Variants in RNF166 observed in about 807,000 individuals in gnomAD.
RNF166 encodes ring finger protein 166.
Under a neutral mutation model 29.4 loss-of-function variants are expected in RNF166, and 19 were observed. That is an observed-to-expected ratio of 0.65 (90% CI 0.45 to 0.95). The LOEUF (loss-of-function observed/expected upper bound fraction) is 0.95. RNF166 is among the 40% of genes least tolerant of loss of function. The pLI, the probability that RNF166 is intolerant of heterozygous loss-of-function variation, is 0.00. For synonymous variants in RNF166, 171 were observed against 134.5 expected, an observed-to-expected ratio of 1.27 and a Z score of -1.88; for missense variants, 347 against 322.1, an observed-to-expected ratio of 1.08 and a Z score of -0.59.
chr16:88,698,961 C>A lies in RNF166; in HGVS notation c.540+10G>T, dbSNP rs763226144. 6.4e-7 allele frequency: 1 copy of A among 1,566,390 alleles called. No homozygotes were observed. ...TGGCGCAGGCGTCGCTTGGGGCAGG[C>A]ACTGCTCACCACGCGGTTGGGGTCG... On this transcript the variant is annotated intron_variant, in intron 4 of 5. Transcript: ENST00000312838.
chr16:88,699,001 C>T lies in RNF166; in HGVS notation c.510G>A (p.Val170=), dbSNP rs771683988. 3.7e-6 allele frequency: 6 copies of T among 1,606,678 alleles called. No homozygotes were observed. Among genetic ancestry groups the T allele is most frequent in the Admixed American group, 1.7e-5 (1 of 59,172 alleles). Residue 170 remains valine (V), a synonymous_variant, in exon 4 of 6, where the codon GTG becomes GTA. Transcript: ENST00000312838. ...LDQQELVKHC[V]ESHRSDPNRV... Reference sequence around the variant, plus strand: ...GGTTGGGGTCGCTGCGGTGGCTTTCCACACAGTGCTTCACCAGCTCCTGCT... The same window carrying T: ...GGTTGGGGTCGCTGCGGTGGCTTTCTACACAGTGCTTCACCAGCTCCTGCT...
rs1023844973 is a variant in RNF166, at chr16:88,706,374, C to G, written c.-49G>C. ...CGCCGCCCGCTGTCCTGGCCCGGGCCGGCCCGCTAGTCACAGCCGCTACTG... is the reference window on the plus strand; with the variant it reads ...CGCCGCCCGCTGTCCTGGCCCGGGCGGGCCCGCTAGTCACAGCCGCTACTG... On this transcript the variant is annotated 5_prime_UTR_variant, in exon 1 of 6. Coordinates refer to ENST00000312838, the MANE Select transcript of RNF166 (RefSeq NM_178841.4). 2.4e-5 allele frequency: 29 copies of G among 1,217,234 alleles called. No individual in the cohort carries two copies. Among genetic ancestry groups the G allele is most frequent in the Non-Finnish European group, 2.9e-5 (28 of 976,038 alleles). 75.4% of individuals were successfully genotyped at this position (1,217,234 alleles called of 1,614,324 possible).
chr16:88,703,262 A>G (rs1201869038), intron 1 of RNF166: 23 of 981,450 alleles, frequency 2.3e-5, no homozygotes, highest in Non-Finnish European at 2.8e-5. Context: ...ATTGTTGCAT[A>G]ATTGCAAACA....
chr16:88,700,912 C>T (rs1242449257), intron 2 of RNF166: 14 of 1,158,806 alleles, frequency 1.2e-5, no homozygotes, highest in Admixed American at 4.5e-5. Flanking sequence ...CCCCCAGCGC[C>T]GTCCCCGGTA....
chr16:88,702,229 C>G (rs1334998813), intron 1 of RNF166, among the ~76,000 whole-genome samples: 1 of 152,130 alleles, frequency 6.6e-6, no homozygotes. Context: ...CGCGAGAGCC[C>G]CCAGTGCAAA....
chr16:88,703,226 G>A, intron 1 of RNF166: 11 of 974,976 alleles, frequency 1.1e-5, no homozygotes, highest in Non-Finnish European at 1.3e-5. Context: ...TTTCTGGAGT[G>A]GGAAGAATCT....
intron 1 of RNF166, chr16:88,701,758 G>C (rs941273593): frequency 7.1e-6 from 2 of 279,798 alleles, no homozygotes; most frequent in African/African-American, 4.4e-5. Context: ...ACGTTCACGT[G>C]GCGACAACAC....
intron 1 of RNF166, chr16:88,703,977 G>A: frequency 1.1e-5 from 11 of 985,452 alleles, no homozygotes; most frequent in Non-Finnish European, 1.2e-5. Context: ...CAGGCTTCTG[G>A]TTACAGAGGT....
intron 1 of RNF166, among the ~76,000 whole-genome samples, chr16:88,701,854 A>G (rs1386835667): frequency 2.6e-5 from 4 of 152,100 alleles, no homozygotes; most frequent in Non-Finnish European, 4.4e-5. Flanking sequence ...ACCTCAAACA[A>G]TCGTGGGAAA....
rs1018851798 is a variant in RNF166, at chr16:88,696,848, G to C, written c.*720C>G. On this transcript the variant is annotated 3_prime_UTR_variant, in exon 6 of 6. Coordinates refer to ENST00000312838, the MANE Select transcript of RNF166 (RefSeq NM_178841.4). Reference sequence around the variant, plus strand: ...CAAGGACCCAGACACACAGTGGGTGGCCAGGGCAGACCCCACAGCAGACCC... The same window carrying C: ...CAAGGACCCAGACACACAGTGGGTGCCCAGGGCAGACCCCACAGCAGACCC... The C allele has an allele frequency of 9.2e-6, 3 of 327,222 alleles. No homozygotes were observed. The highest frequency in any genetic ancestry group is 1.8e-5 in the Non-Finnish European group (3 of 170,840). 20.3% of individuals were successfully genotyped at this position (327,222 alleles called of 1,614,324 possible). A position where few individuals can be genotyped will look rare whatever the true frequency, so the allele number is the denominator to read the frequency against.
chr16:88,701,753 C>T (rs937487368), intron 1 of RNF166: 2 of 284,302 alleles, frequency 7.0e-6, no homozygotes, highest in African/African-American at 2.2e-5. Context: ...GGTTCACGTT[C>T]ACGTGGCGAC....
intron 1 of RNF166, chr16:88,703,479 G>A (rs962260859): frequency 1.0e-6 from 1 of 985,402 alleles, no homozygotes; most frequent in African/African-American, 1.7e-5. Flanking sequence ...AAAGACACAA[G>A]AGGGAACCCA....
At chr16:88,703,660 C>T (rs1910492763) in intron 1 of RNF166, 1 of 985,426 alleles carries the variant, frequency 1.0e-6, no homozygotes. Context: ...TGCGCCCACC[C>T]AGGGGCTGGT....
chr16:88,697,378 C>T lies in RNF166; in HGVS notation c.*190G>A, dbSNP rs908481540. The T allele has an allele frequency of 5.8e-6, 3 of 520,538 alleles. No homozygotes were observed. In the African/African-American group the frequency reaches 5.9e-5, roughly 10 times the overall value. 32.2% of individuals were successfully genotyped at this position (520,538 alleles called of 1,614,324 possible). ...GCGACGCCGGTGGGACCAGGCGGCCCTGCTCTGGCGGCCTCGGCGGCTGGC... is the reference window on the plus strand; with the variant it reads ...GCGACGCCGGTGGGACCAGGCGGCCTTGCTCTGGCGGCCTCGGCGGCTGGC... On this transcript the variant is annotated 3_prime_UTR_variant, in exon 6 of 6. Coordinates refer to ENST00000312838, the MANE Select transcript of RNF166 (RefSeq NM_178841.4).
At chr16:88,704,366 G>GCGGTGAGACTAGGATGGTCGTCATTCTAC (rs1910556763) in intron 1 of RNF166, 1 of 985,330 alleles carries the variant, frequency 1.0e-6, no homozygotes, top group Non-Finnish European at 1.2e-6. Context: ...TGCAGGACCC[G>GCGGTGAGACTAGGATGGTCGTCATTCTAC]CGGTGAGACT....
At chr16:88,699,409 G>A (rs1201513150) in intron 3 of RNF166, among the ~76,000 whole-genome samples, 1 of 152,242 alleles carries the variant, frequency 6.6e-6, no homozygotes, top group Admixed American at 6.5e-5. Flanking sequence ...CCCCACAGCT[G>A]AGCTGTCCCT....
intron 4 of RNF166, 38 bp from the exon 5 acceptor site, chr16:88,698,647 G>T (rs751732164): frequency 7.0e-7 from 1 of 1,434,854 alleles, no homozygotes; most frequent in African/African-American, 1.4e-5. Context: ...GCCGGACCGC[G>T]GAGAGGCGGG....
In RNF166 at chr16:88,697,039, C is replaced by G. The variant is rs892970105; in HGVS notation, c.*529G>C. On this transcript the variant is annotated 3_prime_UTR_variant, in exon 6 of 6. Transcript: ENST00000312838. ...ACAGATATTGCAATATGAAGAGTAA[C>G]TGCTCTGTCTTTGCTCTATAAAACG... is the stretch of plus-strand genomic sequence containing the variant. The G allele has an allele frequency of 1.1e-5, 2 of 185,122 alleles. No homozygotes were observed. The highest frequency in any genetic ancestry group is 4.8e-5 in the African/African-American group (2 of 41,656). 11.5% of individuals were successfully genotyped at this position (185,122 alleles called of 1,614,324 possible). A position where few individuals can be genotyped will look rare whatever the true frequency, so the allele number is the denominator to read the frequency against.
At chr16:88,704,379 G>A in intron 1 of RNF166, 1 of 985,428 alleles carries the variant, frequency 1.0e-6, no homozygotes, top group South Asian at 4.7e-5. Flanking sequence ...GTGAGACTAG[G>A]ATGGTCGTCA....
Sources: allele counts gnomAD v4.1 joint callset (sites outside exome capture counted in the v4.1 genomes callset), GRCh38; gene constraint gnomAD v4.1.1; transcripts MANE v1.5; gene names NCBI Gene and HGNC (gene_info 2026-07-23, HGNC 2026-07-21).